Variants in DENND5B observed in about 807,000 individuals in gnomAD.
The protein encoded by DENND5B is DENN domain containing 5B, also known as DENN domain-containing protein 5B.
A neutral mutation model predicts 140.6 loss-of-function variants in DENND5B; 34 were observed. The observed-to-expected ratio is 0.24, with a 90% CI of 0.18 to 0.32. DENND5B has a LOEUF of 0.32. Among genes scored for constraint, DENND5B ranks in the 10% least tolerant of loss-of-function variants. The probability of loss-of-function intolerance (pLI) is 1.00; values close to 1 mark genes in which losing one functional copy is unlikely to be tolerated. For synonymous variants in DENND5B, 551 were observed against 562.1 expected, an observed-to-expected ratio of 0.98 and a Z score of 0.28; for missense variants, 1,142 against 1,560.2, an observed-to-expected ratio of 0.73 and a Z score of 4.52.
chr12:31,435,920 C>A (rs1033013848), intron 7 of DENND5B, among the ~76,000 whole-genome samples: 1 of 152,134 alleles, frequency 6.6e-6, no homozygotes, highest in Non-Finnish European at 1.5e-5. Context: ...CCTCGGCCTC[C>A]CAAGTAGGTG....
intron 1 of DENND5B, among the ~76,000 whole-genome samples, chr12:31,561,684 CA>C (rs1178035293): frequency 6.6e-6 from 1 of 152,144 alleles, no homozygotes; most frequent in African/African-American, 2.4e-5. Flanking sequence ...AAAACATTGC[CA>C]TTTCCAGGAA....
At chr12:31,441,934 C>T (rs1300713751) in intron 7 of DENND5B, among the ~76,000 whole-genome samples, 1 of 152,100 alleles carries the variant, frequency 6.6e-6, no homozygotes, top group Non-Finnish European at 1.5e-5. Context: ...CTGCCTGCCT[C>T]GGCCTCCCAA....
At chr12:31,530,893 C>T (rs892315709) in intron 1 of DENND5B, among the ~76,000 whole-genome samples, 1 of 152,188 alleles carries the variant, frequency 6.6e-6, no homozygotes, top group Admixed American at 6.5e-5. Context: ...TTCTAGTAAT[C>T]AGCCAAGATT....
intron 1 of DENND5B, among the ~76,000 whole-genome samples, chr12:31,521,021 A>C (rs1947854467): frequency 6.6e-6 from 1 of 152,056 alleles, no homozygotes; most frequent in Non-Finnish European, 1.5e-5. Flanking sequence ...ATTTTGAACT[A>C]GTCAAGTTTC....
chr12:31,421,119 A>G (rs996281152), intron 11 of DENND5B, among the ~76,000 whole-genome samples: 1 of 152,044 alleles, frequency 6.6e-6, no homozygotes, highest in Non-Finnish European at 1.5e-5. Context: ...TCTTGGCTCA[A>G]TGCAACCTCC....
intron 11 of DENND5B, among the ~76,000 whole-genome samples, chr12:31,420,566 C>G (rs1942973413): frequency 6.6e-6 from 1 of 151,938 alleles, no homozygotes; most frequent in South Asian, 2.1e-4. Flanking sequence ...GCCTCAGCCT[C>G]CTGAATAGTT....
chr12:31,419,746 G>A (rs924138259), intron 11 of DENND5B, among the ~76,000 whole-genome samples: 29 of 152,020 alleles, frequency 1.9e-4, no homozygotes, highest in African/African-American at 7.0e-4. Context: ...GGCTGAGGCG[G>A]GTGGATCACC....
chr12:31,412,828 A>G (rs1942536680), intron 13 of DENND5B, among the ~76,000 whole-genome samples: 2 of 152,342 alleles, frequency 1.3e-5, no homozygotes, highest in South Asian at 4.1e-4. Flanking sequence ...GTTTATACAA[A>G]ATAATATAAG....
At chr12:31,493,422 A>C (rs957239259) in intron 2 of DENND5B, among the ~76,000 whole-genome samples, 2 of 152,186 alleles carry the variant, frequency 1.3e-5, no homozygotes. Flanking sequence ...GGCCGGGTGC[A>C]GTGGCTAACG....
intron 2 of DENND5B, among the ~76,000 whole-genome samples, chr12:31,489,838 T>C (rs1235384008): frequency 6.6e-6 from 1 of 152,128 alleles, no homozygotes; most frequent in Non-Finnish European, 1.5e-5. Context: ...CTTCTCTATA[T>C]AAATGTTTAC....
chr12:31,494,245 C>G (rs1230339229), intron 2 of DENND5B, among the ~76,000 whole-genome samples: 1 of 148,568 alleles, frequency 6.7e-6, no homozygotes, highest in Non-Finnish European at 1.5e-5. Flanking sequence ...TACCTACCTA[C>G]CTACCTACCT....
intron 1 of DENND5B, among the ~76,000 whole-genome samples, chr12:31,553,503 T>G (rs1044629043): frequency 3.9e-5 from 6 of 152,112 alleles, no homozygotes; most frequent in African/African-American, 9.7e-5. Context: ...AATTTTGGAG[T>G]AGGTGTGGTG....
intron 8 of DENND5B, chr12:31,432,455 C>T (rs1401923355): frequency 6.6e-6 from 1 of 152,060 alleles, no homozygotes; most frequent in Non-Finnish European, 1.5e-5. Context: ...TTGCATTTCT[C>T]TTTTGATCAT....
At chr12:31,543,955 G>A (rs1948769886) in intron 1 of DENND5B, among the ~76,000 whole-genome samples, 2 of 152,198 alleles carry the variant, frequency 1.3e-5, no homozygotes, top group African/African-American at 2.4e-5. Context: ...CTTGAGGTCA[G>A]GAGTTTGAGA....
At chr12:31,542,149 G>C (rs1592012500) in intron 1 of DENND5B, among the ~76,000 whole-genome samples, 1 of 152,042 alleles carries the variant, frequency 6.6e-6, no homozygotes, top group Non-Finnish European at 1.5e-5. Flanking sequence ...TTAGCTGGGC[G>C]TGGTGGTGGG....
chr12:31,435,532 GT>G (rs1943706533), intron 7 of DENND5B, among the ~76,000 whole-genome samples: 1 of 152,018 alleles, frequency 6.6e-6, no homozygotes, highest in African/African-American at 2.4e-5. Flanking sequence ...GTTAACATCT[GT>G]TTCTTCACAC....
chr12:31,556,900 A>G (rs78093955), intron 1 of DENND5B, among the ~76,000 whole-genome samples: 1,731 of 152,332 alleles, frequency 0.011, 19 homozygotes, highest in East Asian at 0.032. Context: ...TGTGACTTGA[A>G]GGAATCATTA....
chr12:31,590,469 T>A (rs1271796290), intron 1 of DENND5B: 12 of 399,300 alleles, frequency 3.0e-5, no homozygotes, highest in African/African-American at 6.4e-5. Context: ...CCGCGCCTGT[T>A]ATTAATAACC....
At chr12:31,558,007 C>T (rs1362485582) in intron 1 of DENND5B, among the ~76,000 whole-genome samples, 1 of 152,030 alleles carries the variant, frequency 6.6e-6, no homozygotes, top group African/African-American at 2.4e-5. Context: ...GAGCTATGAT[C>T]TCACCACTGC....
Sources: gnomAD v4.1 joint callset for allele counts (sites outside exome capture counted in the v4.1 genomes callset) on GRCh38, gnomAD v4.1.1 for gene constraint, MANE v1.5 for transcripts, NCBI Gene and HGNC (gene_info 2026-07-23, HGNC 2026-07-21) for gene names.